USP25: variants seen among roughly 807,000 people sequenced by gnomAD.
USP25 encodes ubiquitin carboxyl-terminal hydrolase 25.
USP25 carries 85 observed loss-of-function variants against 158.5 expected under a neutral mutation model. The observed-to-expected ratio is 0.54, with a 90% CI of 0.45 to 0.64. USP25 has a LOEUF of 0.64. USP25 is among the 30% of genes least tolerant of loss of function. The pLI is 0.00. For missense variants in USP25, 1,242 were observed against 1,327.3 expected (o/e 0.94, Z 1.00); for synonymous variants, 464 against 460.4 (o/e 1.01, Z -0.10).
intron 1 of USP25, among the ~76,000 whole-genome samples, chr21:15,756,283 C>T (rs775994880): frequency 4.6e-5 from 7 of 152,120 alleles, no homozygotes; most frequent in Non-Finnish European, 8.8e-5. Flanking sequence ...AAAACCTCTC[C>T]CTGTGCTTTG....
chr21:15,766,257 A>ACCT lies in USP25; in HGVS notation c.268+117_268+119dup. 1 of 912,518 alleles carries ACCT rather than the reference A, an allele frequency of 1.1e-6. No homozygotes were observed. The highest frequency in any genetic ancestry group is 1.5e-6 in the Non-Finnish European group (1 of 663,328). 56.5% of individuals were successfully genotyped at this position (912,518 alleles called of 1,614,324 possible). On this transcript the variant is annotated intron_variant, in intron 3 of 25. Coordinates refer to ENST00000400183, the MANE Select transcript of USP25 (RefSeq NM_001283041.3). This position sits in a 1 kb window ranked among gnomAD's most constrained non-coding sequence, Gnocchi z 4.0. ...AAAGAACCAAAAAAGAACTCTATTA[A>ACCT]CCTTGGTTCTTTTTAATGTAGTTGA...
chr21:15,878,354 C>T lies in USP25; in HGVS notation c.3257C>T (p.Ser1086Phe), dbSNP rs1273449056. ...TTTTTGCCAAAACTGCTTGATTGTTCTATGGAGATTAAAAGTTTCCATGAG... is the reference window on the plus strand; with the variant it reads ...TTTTTGCCAAAACTGCTTGATTGTTTTATGGAGATTAAAAGTTTCCATGAG... ...TDFLPKLLDC[S>F]MEIKSFHEPP... Residue 1086 changes from serine to phenylalanine, a missense_variant, in exon 26 of 26, where the codon TCT (serine) becomes TTT (phenylalanine). Physicochemically the swap from Ser to Phe is radical, Grantham distance 155. Transcript: ENST00000400183. The T allele has an allele frequency of 6.2e-7, 1 of 1,614,032 alleles. No homozygotes were observed. The highest frequency in any genetic ancestry group is 1.7e-5 in the Admixed American group (1 of 60,012).
chr21:15,850,896 G>A (rs1317810068), intron 20 of USP25, among the ~76,000 whole-genome samples: 1 of 151,826 alleles, frequency 6.6e-6, no homozygotes, highest in Non-Finnish European at 1.5e-5. Context: ...TGCTAAACTG[G>A]GAAAGTTCTA....
intron 7 of USP25, 162 bp downstream of exon 7, chr21:15,805,420 G>A (rs2036333435): frequency 1.5e-6 from 1 of 652,794 alleles, no homozygotes; most frequent in South Asian, 5.8e-5. Flanking sequence ...TAAGAGAAAA[G>A]TGATCTTGAA....
chr21:15,874,358 C>T lies in USP25; in HGVS notation c.2886-45C>T, dbSNP rs557502731. The T allele has an allele frequency of 1.1e-5, 16 of 1,520,480 alleles. No individual in the cohort carries two copies. In the South Asian group the frequency reaches 2.0e-4, roughly 19 times the overall value. The allele number at this position is 1,520,480 out of a possible 1,614,324, so 94.2% of individuals were successfully genotyped here. A position where few individuals can be genotyped will look rare whatever the true frequency, so the allele number is the denominator to read the frequency against. On this transcript the variant is annotated intron_variant, in intron 23 of 25. Transcript: ENST00000400183. ...ATAATTATAGCTGACTTTGTTTCTACAAAGGTGAAATACTAATGTTATATG... is the reference window on the plus strand; with the variant it reads ...ATAATTATAGCTGACTTTGTTTCTATAAAGGTGAAATACTAATGTTATATG...
chr21:15,866,880 A>G (rs1037586512), intron 22 of USP25, among the ~76,000 whole-genome samples: 1 of 152,172 alleles, frequency 6.6e-6, no homozygotes, highest in Non-Finnish European at 1.5e-5. Flanking sequence ...CACAGCCACA[A>G]GTTTACAGCT....
At chr21:15,776,080 C>T (rs1256287141) in intron 3 of USP25, among the ~76,000 whole-genome samples, 1 of 151,990 alleles carries the variant, frequency 6.6e-6, no homozygotes, top group Non-Finnish European at 1.5e-5. Context: ...ATGAGGCATT[C>T]CATACCTTTT....
intron 4 of USP25, among the ~76,000 whole-genome samples, chr21:15,788,101 G>A (rs952341924): frequency 2.0e-5 from 3 of 151,780 alleles, no homozygotes; most frequent in African/African-American, 7.3e-5. Context: ...GGTCAGACTC[G>A]TTTTTGGTAT....
intron 25 of USP25, 63 bp from the exon 26 acceptor site, chr21:15,878,240 A>T: frequency 6.4e-7 from 1 of 1,551,210 alleles, no homozygotes; most frequent in Non-Finnish European, 8.7e-7. Context: ...TTAGTAAATC[A>T]TGTTGACAAT....
rs1197424595 is a variant in USP25, at chr21:15,849,788, A to G, written c.2463A>G (p.Thr821=). 1 of 1,536,504 alleles carries G rather than the reference A, an allele frequency of 6.5e-7. No individual in the cohort carries two copies. Among genetic ancestry groups the G allele is most frequent in the Non-Finnish European group, 8.8e-7 (1 of 1,141,522 alleles). The change falls in exon 20 of 26, where the codon ACA becomes ACG. Residue 821 remains threonine (T), a synonymous_variant. Transcript: ENST00000400183. ...EGGYDDEIMM[T]PNMQGIIMAI... is the part of the protein sequence containing the mutation. Reference sequence around the variant, plus strand: ...ATCTTCTGTGGCAGATCATGATGACACCGAACATGCAAGGTATTATCATGG... The same window carrying G: ...ATCTTCTGTGGCAGATCATGATGACGCCGAACATGCAAGGTATTATCATGG...
At chr21:15,873,947 CT>C (rs1430109132) in intron 23 of USP25, among the ~76,000 whole-genome samples, 1 of 150,744 alleles carries the variant, frequency 6.6e-6, no homozygotes, top group Non-Finnish European at 1.5e-5. Context: ...GTAACTAAAA[CT>C]GTCTGCACAT....
chr21:15,791,754 A>T lies in USP25; in HGVS notation c.555+90A>T, dbSNP rs1040379698. Reference sequence around the variant, plus strand: ...TGTGTTTAAGTTGTGTACTTTAAAGATAAGTACAGATAAGTTTTTAATATA... The same window carrying T: ...TGTGTTTAAGTTGTGTACTTTAAAGTTAAGTACAGATAAGTTTTTAATATA... On this transcript the variant is annotated intron_variant, in intron 5 of 25. Coordinates refer to ENST00000400183, the MANE Select transcript of USP25 (RefSeq NM_001283041.3). The T allele has an allele frequency of 3.8e-6, 5 of 1,310,496 alleles. No individual in the cohort carries two copies. In the African/African-American group the frequency reaches 4.5e-5, roughly 12 times the overall value. 81.2% of individuals were successfully genotyped at this position (1,310,496 alleles called of 1,614,324 possible). A position where few individuals can be genotyped will look rare whatever the true frequency, so the allele number is the denominator to read the frequency against.
intron 17 of USP25, 102 bp from the exon 18 acceptor site, chr21:15,842,296 T>C: frequency 7.9e-7 from 1 of 1,269,128 alleles, no homozygotes. Flanking sequence ...AGACTAAAAT[T>C]GGTTCTTACA....
At chr21:15,818,934 A>T in intron 10 of USP25, 88 bp downstream of exon 10, 2 of 1,399,538 alleles carry the variant, frequency 1.4e-6, no homozygotes. Flanking sequence ...TTATAGAGCT[A>T]CCTAATAATT....
chr21:15,802,692 C>A (rs904823067), intron 6 of USP25, among the ~76,000 whole-genome samples: 1 of 151,628 alleles, frequency 6.6e-6, no homozygotes, highest in Non-Finnish European at 1.5e-5. Context: ...TACCAGACAT[C>A]TTATTAGAAA....
intron 1 of USP25, among the ~76,000 whole-genome samples, chr21:15,761,446 A>C (rs1256031458): frequency 6.6e-6 from 1 of 152,154 alleles, no homozygotes; most frequent in Non-Finnish European, 1.5e-5. Context: ...GAAACACCTG[A>C]AACTGGTGAT....
intron 1 of USP25, among the ~76,000 whole-genome samples, chr21:15,761,096 CT>C (rs1293198014): frequency 6.6e-6 from 1 of 152,084 alleles, no homozygotes; most frequent in Non-Finnish European, 1.5e-5. Context: ...TCACAGTGTC[CT>C]TCAGTTTGGG....
At chr21:15,833,667 C>G (rs2146401499) in intron 17 of USP25, 119 bp downstream of exon 17, 1 of 892,310 alleles carries the variant, frequency 1.1e-6, no homozygotes, top group East Asian at 2.7e-5. Context: ...GAAATCATTT[C>G]AAATTCCATC....
chr21:15,808,774 G>T, intron 7 of USP25, 35 bp from the exon 8 acceptor site: 1 of 1,518,766 alleles, frequency 6.6e-7, no homozygotes, highest in Middle Eastern at 1.9e-4. Flanking sequence ...TTTTTTAGTA[G>T]GCTCAAATAT....
Sources: allele counts gnomAD v4.1 joint callset (sites outside exome capture counted in the v4.1 genomes callset), GRCh38; gene constraint gnomAD v4.1.1; non-coding constraint Gnocchi (gnomAD v3.1); transcripts MANE v1.5; gene names NCBI Gene and HGNC (gene_info 2026-07-23, HGNC 2026-07-21).